MAST4: variants seen among roughly 807,000 people sequenced by gnomAD.
MAST4 encodes microtubule-associated serine/threonine-protein kinase 4.
A neutral mutation model predicts 162.7 loss-of-function variants in MAST4; 89 were observed. The ratio of observed to expected loss-of-function variants is 0.55; its 90% CI spans 0.46 to 0.65. The LOEUF (loss-of-function observed/expected upper bound fraction) is 0.65, where lower values mean the gene tolerates loss of function less well. Among genes scored for constraint, MAST4 ranks in the 30% least tolerant of loss-of-function variants. The pLI is 0.00. For missense variants in MAST4, 3,153 were observed against 3,374.0 expected, an observed-to-expected ratio of 0.93 and a Z score of 1.62; for synonymous variants, 1,479 against 1,361.1, an observed-to-expected ratio of 1.09 and a Z score of -1.91.
rs187225563 is a variant in MAST4 at position 66,873,535 on chromosome 5, G to C, written c.643-26416G>C. On this transcript the variant is annotated intron_variant, in intron 3 of 28. Transcript: ENST00000403625. ...TTGTGAGTCTACGTTGAAGAAGTGT[G>C]TTCCGATAGAAATGTTTAGCTTTAC... Among the ~76,000 whole-genome samples, 245 of 152,278 alleles carry C rather than the reference G, an allele frequency of 1.6e-3. 1 individual carries two copies. Among genetic ancestry groups the C allele is most frequent in the African/African-American group, 5.7e-3 (235 of 41,546 alleles).
chr5:67,090,480 C>T (rs997707028), intron 6 of MAST4, among the ~76,000 whole-genome samples: 8 of 127,408 alleles, frequency 6.3e-5, no homozygotes, highest in Admixed American at 1.6e-4. Context: ...CCCTCCCCTG[C>T]TCCATGCCTT....
intron 1 of MAST4, among the ~76,000 whole-genome samples, chr5:66,687,770 G>C (rs780358406): frequency 1.3e-5 from 2 of 152,030 alleles, no homozygotes; most frequent in African/African-American, 2.4e-5. Context: ...TGTGATAAAC[G>C]TAACAGACCA....
intron 26 of MAST4, among the ~76,000 whole-genome samples, chr5:67,156,129 A>G (rs1772491304): frequency 6.6e-6 from 1 of 151,844 alleles, no homozygotes; most frequent in African/African-American, 2.4e-5. Context: ...TGCCTGCCAC[A>G]CTCTTGTCAA....
intron 2 of MAST4, among the ~76,000 whole-genome samples, chr5:66,778,420 T>C (rs1389368845): frequency 6.6e-6 from 1 of 152,202 alleles, no homozygotes; most frequent in Non-Finnish European, 1.5e-5. Flanking sequence ...AAGGTAGTGA[T>C]GTGCTTGTAA....
chr5:66,996,256 G>A (rs1486811384), intron 4 of MAST4, among the ~76,000 whole-genome samples: 1 of 151,952 alleles, frequency 6.6e-6, no homozygotes. Flanking sequence ...TCCAGCCTGG[G>A]CAACAAGAGT....
At chr5:66,843,920 C>T (rs147669281) in intron 3 of MAST4, among the ~76,000 whole-genome samples, 255 of 152,204 alleles carry the variant, frequency 1.7e-3, no homozygotes, top group Middle Eastern at 0.01. Context: ...TTTAGCTCCC[C>T]TCACCCCCAG....
At chr5:66,905,302 CAAAAAAAAAA>C (rs60337775) in intron 4 of MAST4, among the ~76,000 whole-genome samples, 7,407 of 78,456 alleles carry the variant, frequency 0.094, 284 homozygotes, top group Non-Finnish European at 0.12. Flanking sequence ...AACTCTGTCT[CAAAAAAAAAA>C]AAAAAAAAAA....
intron 5 of MAST4, among the ~76,000 whole-genome samples, chr5:67,080,423 G>T (rs925536686): frequency 6.6e-6 from 1 of 152,142 alleles, no homozygotes; most frequent in South Asian, 2.1e-4. Context: ...AACTGTGGCT[G>T]TGTAAGGTAG....
rs576028127 is a variant in MAST4 at position 67,166,528 on chromosome 5, G to T, written c.7349G>T (p.Arg2450Leu). 4 of 1,607,486 alleles carry T rather than the reference G, an allele frequency of 2.5e-6. No homozygotes were observed. Among genetic ancestry groups the T allele is most frequent in the East Asian group, 2.2e-5 (1 of 44,576 alleles). ...TCAGCCACTGGGCAGAGTTCTTTCC[G>T]ATCCACGGCCCTCCCGGAAAAGTCT... ...SPSATGQSSF[R>L]STALPEKSLS... is the part of the protein sequence containing the mutation. Residue 2450 changes from arginine (R) to leucine (L), a missense_variant, in exon 29 of 29, where the codon CGA becomes CTA. Arg to Leu is a moderately radical substitution (Grantham distance 102, BLOSUM62 -2). This residue lies in a region of MAST4 where 1,644 missense variants were observed against 1,495.0 expected (regional missense o/e 1.10). Coordinates refer to ENST00000403625, the MANE Select transcript of MAST4 (RefSeq NM_001164664.2).
intron 4 of MAST4, among the ~76,000 whole-genome samples, chr5:67,052,718 A>G (rs1018532821): frequency 1.3e-5 from 2 of 152,158 alleles, no homozygotes; most frequent in African/African-American, 2.4e-5. Context: ...ATCTTTATGC[A>G]TGATGTAGAT....
At chr5:67,144,109 A>G (rs1413416926) in intron 21 of MAST4, among the ~76,000 whole-genome samples, 1 of 152,184 alleles carries the variant, frequency 6.6e-6, no homozygotes, top group African/African-American at 2.4e-5. Flanking sequence ...CTGCCTGTCT[A>G]TAGATGTGAT....
chr5:66,977,822 T>C (rs1748337112), intron 4 of MAST4, among the ~76,000 whole-genome samples: 1 of 152,238 alleles, frequency 6.6e-6, no homozygotes, highest in Admixed American at 6.5e-5. Flanking sequence ...GTTTATTGTT[T>C]TGTCAGTTCT....
At chr5:66,924,636 G>T (rs529156519) in intron 4 of MAST4, among the ~76,000 whole-genome samples, 1 of 152,168 alleles carries the variant, frequency 6.6e-6, no homozygotes, top group South Asian at 2.1e-4. Context: ...CTCGTGATCC[G>T]CCTACCTCTG....
chr5:66,916,841 C>T, intron 4 of MAST4: 1 of 585,630 alleles, frequency 1.7e-6, no homozygotes, highest in Non-Finnish European at 3.1e-6. Flanking sequence ...AGATATACCA[C>T]ATTTTATTTA....
chr5:66,658,346 A>C (rs1480823976), intron 1 of MAST4, among the ~76,000 whole-genome samples: 1 of 152,196 alleles, frequency 6.6e-6, no homozygotes, highest in African/African-American at 2.4e-5. Context: ...AGAAAAATGA[A>C]GTGTTACAAA....
chr5:66,915,266 CAAAAAA>C (rs70987147), intron 4 of MAST4, among the ~76,000 whole-genome samples: 3 of 83,626 alleles, frequency 3.6e-5, no homozygotes, highest in Admixed American at 1.2e-4. Context: ...ACTCTTGTCT[CAAAAAA>C]AAAAAAAAAA....
At chr5:66,771,677 TA>T (rs1754365786) in intron 2 of MAST4, among the ~76,000 whole-genome samples, 1 of 152,162 alleles carries the variant, frequency 6.6e-6, no homozygotes. Flanking sequence ...GAAACAAGAT[TA>T]ATTATTGAAT....
chr5:66,958,411 TTCA>T (rs2150150643), intron 4 of MAST4, among the ~76,000 whole-genome samples: 1 of 152,316 alleles, frequency 6.6e-6, no homozygotes, highest in South Asian at 2.1e-4. Context: ...AGATGAAACT[TTCA>T]GGCTTTCAAA....
At chr5:66,846,252 A>C (rs1345759287) in intron 3 of MAST4, among the ~76,000 whole-genome samples, 1 of 152,212 alleles carries the variant, frequency 6.6e-6, no homozygotes, top group Non-Finnish European at 1.5e-5. Context: ...CACTGTGACA[A>C]GTTCAGTAGA....
Sources: allele counts gnomAD v4.1 joint callset (sites outside exome capture counted in the v4.1 genomes callset), GRCh38; gene constraint gnomAD v4.1.1; regional missense constraint gnomAD v4.1.1; transcripts MANE v1.5; gene names NCBI Gene and HGNC (gene_info 2026-07-23, HGNC 2026-07-21).